Variants in BAZ2B observed in about 807,000 individuals in gnomAD.
BAZ2B encodes the protein bromodomain adjacent to zinc finger domain protein 2B.
A neutral mutation model predicts 246.0 loss-of-function variants in BAZ2B; 91 were observed. That is an observed-to-expected ratio of 0.37 (90% CI 0.31 to 0.44). BAZ2B has a LOEUF of 0.44. Ranked by LOEUF, BAZ2B falls within the 20% of genes least tolerant of loss-of-function variation. The pLI is 1.00. For missense variants in BAZ2B, 2,332 were observed against 2,533.7 expected (o/e 0.92, Z 1.71); for synonymous variants, 855 against 860.0 (o/e 0.99, Z 0.10).
chr2:159,677,969 A>C, the BAZ2B span, among the ~76,000 whole-genome samples: 1 of 152,210 alleles, frequency 6.6e-6, no homozygotes, highest in Non-Finnish European at 1.5e-5. Context: ...TGAAAACTTA[A>C]ACAAAATTAT....
chr2:159,450,395 T>C (rs927620742), intron 4 of BAZ2B, among the ~76,000 whole-genome samples: 1 of 143,208 alleles, frequency 7.0e-6, no homozygotes, highest in Non-Finnish European at 1.5e-5. Context: ...AAAAAAAAAG[T>C]AAAGAAGCAC....
rs991456847 is a variant in BAZ2B at position 159,428,303 on chromosome 2, G to A, written c.2364+8C>T. The A allele has an allele frequency of 1.9e-6, 3 of 1,602,052 alleles. No individual in the cohort carries two copies. Among genetic ancestry groups the A allele is most frequent in the Non-Finnish European group, 2.6e-6 (3 of 1,170,740 alleles). ...CCAAATGTACATTATTTGGTGAAAAGTATGTACCTTTATTACTTCAGGGTA... is the reference window on the plus strand; with the variant it reads ...CCAAATGTACATTATTTGGTGAAAAATATGTACCTTTATTACTTCAGGGTA... On this transcript the variant is annotated splice_region_variant and intron_variant, in intron 12 of 36. Transcript: ENST00000392783.
At chr2:159,615,286 T>TAGG (rs1695676899) in intron 1 of BAZ2B, 1 of 136,078 alleles carries the variant, frequency 7.3e-6, no homozygotes, top group Non-Finnish European at 1.6e-5. Context: ...GAACGGGGGC[T>TAGG]GGGGGGAGGG....
chr2:159,626,621 A>G, the BAZ2B span, among the ~76,000 whole-genome samples: 1 of 152,226 alleles, frequency 6.6e-6, no homozygotes, highest in East Asian at 1.9e-4. Context: ...GAAACCAATG[A>G]GAACAAAGAC....
At chr2:159,526,362 T>C (rs542306895) in intron 2 of BAZ2B, among the ~76,000 whole-genome samples, 2 of 152,208 alleles carry the variant, frequency 1.3e-5, no homozygotes, top group South Asian at 4.1e-4. Flanking sequence ...ATTCTAGATA[T>C]CTCACCCAGA....
At chr2:159,375,556 T>C (rs1397482212) in intron 25 of BAZ2B, among the ~76,000 whole-genome samples, 2 of 152,166 alleles carry the variant, frequency 1.3e-5, no homozygotes, top group Non-Finnish European at 2.9e-5. Flanking sequence ...GTGGGTTAAA[T>C]ATCAGAACTA....
At chr2:159,663,806 C>T in the BAZ2B span, among the ~76,000 whole-genome samples, 5 of 150,324 alleles carry the variant, frequency 3.3e-5, no homozygotes, top group Admixed American at 2.0e-4. Context: ...TGTGAGCCAC[C>T]GGGCCCGGCT....
intron 13 of BAZ2B, among the ~76,000 whole-genome samples, chr2:159,423,854 C>T (rs1266031989): frequency 5.9e-5 from 9 of 152,140 alleles, no homozygotes; most frequent in Non-Finnish European, 1.3e-4. Context: ...ACACTGGAGA[C>T]TACTTGAGCG....
At chr2:159,657,233 G>A in the BAZ2B span, among the ~76,000 whole-genome samples, 1 of 152,014 alleles carries the variant, frequency 6.6e-6, no homozygotes, top group Non-Finnish European at 1.5e-5. Flanking sequence ...ACCATTTATT[G>A]AAAGGACTAT....
chr2:159,600,878 T>C (rs1461284301), intron 1 of BAZ2B, among the ~76,000 whole-genome samples: 2 of 152,162 alleles, frequency 1.3e-5, no homozygotes, highest in African/African-American at 2.4e-5. Flanking sequence ...AACCTTTCAT[T>C]AGAGTTGAGG....
chr2:159,686,259 A>T, the BAZ2B span, among the ~76,000 whole-genome samples: 1 of 152,158 alleles, frequency 6.6e-6, no homozygotes, highest in Non-Finnish European at 1.5e-5. Context: ...GAGCTACTTT[A>T]AAAAGAGAGA....
chr2:159,705,644 A>G, the BAZ2B span, among the ~76,000 whole-genome samples: 17 of 152,200 alleles, frequency 1.1e-4, no homozygotes, highest in Non-Finnish European at 2.1e-4. Context: ...ATTAGATCCT[A>G]TTATCTTATT....
Position 159,392,192 on chromosome 2 carries a change from G to A in BAZ2B, c.3076-2707C>T, listed in dbSNP as rs981480757. On this transcript the variant is annotated intron_variant, in intron 20 of 36. Transcript: ENST00000392783. ...TTAATGACGATGAAGCAACAACAAA[G>A]CCAAGACGGGCATGTACACTAGGTT... 1.3e-5 allele frequency: 2 copies of A among 152,212 alleles called. 1 individual carries two copies. The highest frequency in any genetic ancestry group is 3.9e-4 in the East Asian group (2 of 5,176). The allele number at this position is 152,212 out of a possible 1,614,324, so 9.4% of individuals were successfully genotyped here. A position where few individuals can be genotyped will look rare whatever the true frequency, so the allele number is the denominator to read the frequency against.
chr2:159,708,039 G>C, the BAZ2B span, among the ~76,000 whole-genome samples: 6 of 152,026 alleles, frequency 3.9e-5, no homozygotes, highest in Non-Finnish European at 7.4e-5. Context: ...AACTGGATGT[G>C]GTAGCTGATG....
intron 2 of BAZ2B, among the ~76,000 whole-genome samples, chr2:159,482,174 T>TA (rs559758096): frequency 2.8e-4 from 40 of 141,924 alleles, no homozygotes; most frequent in Admixed American, 4.2e-4. Flanking sequence ...TAGTAAGCAC[T>TA]AAAAAAAAAA....
the BAZ2B span, among the ~76,000 whole-genome samples, chr2:159,623,096 G>A: frequency 6.7e-6 from 1 of 148,896 alleles, no homozygotes; most frequent in Non-Finnish European, 1.5e-5. Context: ...GGGAGGGAGA[G>A]GGGAGAGGGA....
At chr2:159,570,627 T>C (rs1228400662) in intron 1 of BAZ2B, among the ~76,000 whole-genome samples, 1 of 146,892 alleles carries the variant, frequency 6.8e-6, no homozygotes, top group Non-Finnish European at 1.5e-5. Context: ...CTGTCATTTA[T>C]ATCCCAGCAC....
At chr2:159,462,903 T>C (rs2076586960) in intron 3 of BAZ2B, 8 of 1,582,562 alleles carry the variant, frequency 5.1e-6, no homozygotes, top group Non-Finnish European at 6.9e-6. Context: ...TCTCCAAGAC[T>C]TCAGACCTCC....
At chr2:159,542,907 G>A (rs1003316591) in intron 2 of BAZ2B, among the ~76,000 whole-genome samples, 4 of 152,124 alleles carry the variant, frequency 2.6e-5, no homozygotes, top group East Asian at 1.9e-4. Context: ...AAGAAGTGCA[G>A]CATAACAATA....
Sources: allele counts gnomAD v4.1 joint callset (sites outside exome capture counted in the v4.1 genomes callset), GRCh38; gene constraint gnomAD v4.1.1; transcripts MANE v1.5; gene names NCBI Gene and HGNC (gene_info 2026-07-23, HGNC 2026-07-21).